The following LRFN5 variants were observed in gnomAD, a reference collection of about 807,000 sequenced individuals.
LRFN5 encodes the protein leucine rich repeat and fibronectin type III domain containing 5.
LRFN5 carries 24 observed loss-of-function variants against 45.6 expected under a neutral mutation model. That is an observed-to-expected ratio of 0.53 (90% CI 0.38 to 0.74). LRFN5 has a LOEUF of 0.74. Ranked by LOEUF, LRFN5 falls within the 30% of genes least tolerant of loss-of-function variation. The probability of loss-of-function intolerance (pLI) is 0.00; values close to 1 mark genes in which losing one functional copy is unlikely to be tolerated. For synonymous variants in LRFN5, 340 were observed against 313.8 expected, an observed-to-expected ratio of 1.08 and a Z score of -0.88; for missense variants, 776 against 861.5, an observed-to-expected ratio of 0.90 and a Z score of 1.24.
At chr14:41,858,875 A>C (rs908013999) in intron 2 of LRFN5, among the ~76,000 whole-genome samples, 1 of 152,106 alleles carries the variant, frequency 6.6e-6, no homozygotes, top group African/African-American at 2.4e-5. Context: ...ACTCCCCACT[A>C]TCCCTACTTT....
intron 2 of LRFN5, among the ~76,000 whole-genome samples, chr14:41,777,176 A>AT (rs1355116707): frequency 1.3e-5 from 2 of 151,752 alleles, no homozygotes; most frequent in Admixed American, 6.6e-5. Context: ...CCTAATGTTG[A>AT]TTTTTTATTC....
chr14:41,791,093 T>A (rs1040730033), intron 2 of LRFN5, among the ~76,000 whole-genome samples: 3 of 151,926 alleles, frequency 2.0e-5, no homozygotes, highest in African/African-American at 7.2e-5. Flanking sequence ...AAGATGGTAT[T>A]GACTTTAAGA....
chr14:41,617,538 A>G (rs1394027025), intron 1 of LRFN5, among the ~76,000 whole-genome samples: 1 of 152,084 alleles, frequency 6.6e-6, no homozygotes, highest in Non-Finnish European at 1.5e-5. Flanking sequence ...TCCTCTGATC[A>G]TATATCCTAT....
chr14:41,694,804 A>G (rs1882532320), intron 1 of LRFN5, among the ~76,000 whole-genome samples: 1 of 151,940 alleles, frequency 6.6e-6, no homozygotes, highest in Non-Finnish European at 1.5e-5. Context: ...TTACTATGTA[A>G]TTATTTTGGG....
intron 1 of LRFN5, among the ~76,000 whole-genome samples, chr14:41,722,745 C>T (rs1883778450): frequency 6.6e-6 from 1 of 152,010 alleles, no homozygotes; most frequent in Non-Finnish European, 1.5e-5. Context: ...GGGTAAGTGC[C>T]AGATGTGGCC....
intron 1 of LRFN5, among the ~76,000 whole-genome samples, chr14:41,721,928 G>A (rs889129289): frequency 6.6e-6 from 1 of 151,806 alleles, no homozygotes; most frequent in Non-Finnish European, 1.5e-5. Flanking sequence ...GCAAGATTAG[G>A]GAAATTTTCT....
At chr14:41,867,518 C>G (rs1048191639) in intron 2 of LRFN5, among the ~76,000 whole-genome samples, 3 of 152,106 alleles carry the variant, frequency 2.0e-5, no homozygotes, top group Non-Finnish European at 2.9e-5. Context: ...ATTCTTTCCA[C>G]TCATTTTTCC....
chr14:41,720,143 C>T (rs1214427939), intron 1 of LRFN5, among the ~76,000 whole-genome samples: 1 of 151,896 alleles, frequency 6.6e-6, no homozygotes, highest in East Asian at 1.9e-4. Context: ...AGTAGTCCCC[C>T]GTGTCTATTA....
At chr14:41,723,518 A>G (rs1883809750) in intron 1 of LRFN5, among the ~76,000 whole-genome samples, 1 of 152,130 alleles carries the variant, frequency 6.6e-6, no homozygotes, top group Non-Finnish European at 1.5e-5. Context: ...ATGTTAGCGG[A>G]TGTCCCAAAT....
intron 1 of LRFN5, among the ~76,000 whole-genome samples, chr14:41,633,674 T>A (rs1456959255): frequency 1.3e-5 from 2 of 152,176 alleles, no homozygotes; most frequent in African/African-American, 2.4e-5. Context: ...TAAGATATTC[T>A]TTTTTTCAAT....
intron 1 of LRFN5, among the ~76,000 whole-genome samples, chr14:41,735,266 T>C (rs1884374842): frequency 6.6e-6 from 1 of 152,084 alleles, no homozygotes; most frequent in Non-Finnish European, 1.5e-5. Context: ...TTATTTTTAT[T>C]TTTATTTTAT....
In LRFN5 at chr14:41,886,974, G is replaced by A. The variant is rs1436896951; in HGVS notation, c.349G>A (p.Asp117Asn). Residue 117 changes from aspartate to asparagine, a missense_variant, in exon 3 of 6, where the codon GAT (aspartate) becomes AAT (asparagine). Around this residue, in one of 2 missense-constraint regions of LRFN5, gnomAD observed 311 missense variants for 405.1 expected, o/e 0.77. Transcript: ENST00000298119. ...CAACAGATTGACTAAAATTACAAAT[G>A]ATATGTTCAGTGGTCTTTCCAATCT... is the stretch of plus-strand genomic sequence containing the variant. ...NSNRLTKITN[D>N]MFSGLSNLHH... is the part of the protein sequence containing the mutation. The A allele has an allele frequency of 2.5e-6, 4 of 1,614,038 alleles. No homozygotes were observed. The highest frequency in any genetic ancestry group is 3.4e-6 in the Non-Finnish European group (4 of 1,180,022).
chr14:41,819,007 T>G (rs1190564725), intron 2 of LRFN5, among the ~76,000 whole-genome samples: 1 of 152,202 alleles, frequency 6.6e-6, no homozygotes, highest in Admixed American at 6.6e-5. Flanking sequence ...GCTGTGTTTT[T>G]GAGTTATTTT....
intron 1 of LRFN5, among the ~76,000 whole-genome samples, chr14:41,626,934 C>A (rs767244788): frequency 6.6e-6 from 1 of 152,028 alleles, no homozygotes; most frequent in Non-Finnish European, 1.5e-5. Flanking sequence ...TGAAGCTACA[C>A]TTTTGAAAAC....
At chr14:41,724,560 A>C (rs1051035825) in intron 1 of LRFN5, among the ~76,000 whole-genome samples, 2 of 152,184 alleles carry the variant, frequency 1.3e-5, no homozygotes, top group Admixed American at 6.6e-5. Flanking sequence ...GAATGAATTT[A>C]TATTAATTAA....
intron 2 of LRFN5, among the ~76,000 whole-genome samples, chr14:41,842,644 C>T (rs1350145959): frequency 2.0e-5 from 3 of 152,100 alleles, no homozygotes; most frequent in Non-Finnish European, 4.4e-5. Context: ...TCCCACACAA[C>T]ACAAAACTTT....
intron 1 of LRFN5, among the ~76,000 whole-genome samples, chr14:41,756,718 C>G (rs1020704343): frequency 1.3e-5 from 2 of 152,146 alleles, no homozygotes; most frequent in African/African-American, 4.8e-5. Flanking sequence ...TCCTTTAGCT[C>G]AGAGTAGTTT....
intron 1 of LRFN5, among the ~76,000 whole-genome samples, chr14:41,735,533 A>G (rs964967096): frequency 1.3e-5 from 2 of 151,886 alleles, no homozygotes; most frequent in Admixed American, 1.3e-4. Flanking sequence ...CAGCCCCCCC[A>G]CGTGCTGGGA....
At chr14:41,873,698 A>G (rs1239936062) in intron 2 of LRFN5, among the ~76,000 whole-genome samples, 3 of 152,188 alleles carry the variant, frequency 2.0e-5, no homozygotes, top group Admixed American at 6.5e-5. Flanking sequence ...AATGCCCACA[A>G]TAATATGAAG....
Sources: gnomAD v4.1 joint callset for allele counts (sites outside exome capture counted in the v4.1 genomes callset) on GRCh38, gnomAD v4.1.1 for gene constraint, gnomAD v4.1.1 regional missense constraint, MANE v1.5 for transcripts, NCBI Gene and HGNC (gene_info 2026-07-23, HGNC 2026-07-21) for gene names.